Variants in TAFA2 observed in about 807,000 individuals in gnomAD.
TAFA2 encodes chemokine-like protein TAFA-2.
TAFA2 carries 7 observed loss-of-function variants against 18.8 expected under a neutral mutation model. That is an observed-to-expected ratio of 0.37 (90% CI 0.21 to 0.70). TAFA2 has a LOEUF of 0.70. Ranked by LOEUF, TAFA2 falls within the 30% of genes least tolerant of loss-of-function variation. TAFA2 has a pLI of 0.53. For synonymous variants in TAFA2, 60 were observed against 54.2 expected (o/e 1.11, Z -0.47); for missense variants, 122 against 158.1 (o/e 0.77, Z 1.23).
At chr12:62,216,198 C>T (rs902391121) in intron 1 of TAFA2, among the ~76,000 whole-genome samples, 6 of 152,214 alleles carry the variant, frequency 3.9e-5, no homozygotes, top group Admixed American at 6.5e-5. Flanking sequence ...TGCGGGTCCA[C>T]ACACCTATCC....
intron 1 of TAFA2, among the ~76,000 whole-genome samples, chr12:61,921,157 A>G (rs1213800865): frequency 6.6e-6 from 1 of 152,242 alleles, no homozygotes; most frequent in Non-Finnish European, 1.5e-5. Context: ...AGAGAACCAC[A>G]GAAGTGTTAA....
intron 2 of TAFA2, among the ~76,000 whole-genome samples, chr12:61,802,827 T>G (rs2120977582): frequency 6.6e-6 from 1 of 152,156 alleles, no homozygotes; most frequent in South Asian, 2.1e-4. Flanking sequence ...ACATTGTATA[T>G]ATGTATTGGA....
chr12:61,919,370 T>A (rs1876954725), intron 1 of TAFA2, among the ~76,000 whole-genome samples: 1 of 152,214 alleles, frequency 6.6e-6, no homozygotes, highest in African/African-American at 2.4e-5. Context: ...CTCTCATATG[T>A]TACTCTTTTT....
chr12:62,051,132 G>A (rs986849780), intron 1 of TAFA2, among the ~76,000 whole-genome samples: 3 of 152,040 alleles, frequency 2.0e-5, no homozygotes, highest in African/African-American at 7.2e-5. Flanking sequence ...TCAGCTTTTG[G>A]TGTTGCTGTA....
At chr12:62,250,298 T>C (rs574666710) in intron 1 of TAFA2, among the ~76,000 whole-genome samples, 209 of 152,340 alleles carry the variant, frequency 1.4e-3, no homozygotes, top group African/African-American at 4.8e-3. Context: ...TGATAAGTTT[T>C]CTATCCAATG....
intron 2 of TAFA2, among the ~76,000 whole-genome samples, chr12:61,790,442 G>A (rs1870928420): frequency 6.6e-6 from 1 of 151,718 alleles, no homozygotes; most frequent in Admixed American, 6.6e-5. Flanking sequence ...TGTTTGCAGA[G>A]GCTATAGTCT....
At chr12:61,916,660 T>C (rs559031304) in intron 1 of TAFA2, among the ~76,000 whole-genome samples, 2 of 152,308 alleles carry the variant, frequency 1.3e-5, no homozygotes, top group East Asian at 3.9e-4. Flanking sequence ...GCTTAGTAAC[T>C]CACCTACCTT....
At chr12:61,842,581 A>G (rs564925422) in intron 2 of TAFA2, among the ~76,000 whole-genome samples, 1 of 152,020 alleles carries the variant, frequency 6.6e-6, no homozygotes, top group Non-Finnish European at 1.5e-5. Flanking sequence ...AGTCCAGTGA[A>G]CTCATTAAAA....
intron 1 of TAFA2, among the ~76,000 whole-genome samples, chr12:62,156,882 AAGG>A (rs1565763803): frequency 2.0e-5 from 3 of 152,146 alleles, no homozygotes; most frequent in Non-Finnish European, 4.4e-5. Flanking sequence ...CCAATAACTT[AAGG>A]GAAAAAAATT....
chr12:61,724,786 T>TATACACCA (rs1565751009), intron 4 of TAFA2, among the ~76,000 whole-genome samples: 133 of 86,264 alleles, frequency 1.5e-3, no homozygotes, highest in Middle Eastern at 0.012. Context: ...TGTGTGTGTG[T>TATACACCA]GTGTGTGTGT....
At chr12:61,901,198 A>G (rs1876083223) in intron 1 of TAFA2, among the ~76,000 whole-genome samples, 1 of 152,112 alleles carries the variant, frequency 6.6e-6, no homozygotes, top group Non-Finnish European at 1.5e-5. Flanking sequence ...TATATTTTCT[A>G]AGAATAATTA....
chr12:61,723,834 C>T (rs939017505), intron 4 of TAFA2, among the ~76,000 whole-genome samples: 1 of 151,866 alleles, frequency 6.6e-6, no homozygotes, highest in Admixed American at 6.6e-5. Flanking sequence ...GAAGCTATCC[C>T]TTAAAAAAAT....
chr12:61,872,880 C>CTT (rs1874679380), intron 1 of TAFA2, among the ~76,000 whole-genome samples: 2 of 152,000 alleles, frequency 1.3e-5, no homozygotes, highest in Non-Finnish European at 1.5e-5. Context: ...CTCTCTCTCT[C>CTT]TCCAAATAGC....
At chr12:61,847,869 TA>T (rs1231625908) in intron 2 of TAFA2, among the ~76,000 whole-genome samples, 2 of 152,184 alleles carry the variant, frequency 1.3e-5, no homozygotes, top group African/African-American at 4.8e-5. Flanking sequence ...ACATAGGCTA[TA>T]ACTACTATAC....
chr12:61,711,277 GAA>G (rs1869394998), intron 4 of TAFA2, among the ~76,000 whole-genome samples: 1 of 151,266 alleles, frequency 6.6e-6, no homozygotes, highest in Non-Finnish European at 1.5e-5. Flanking sequence ...GAGGGGAGAG[GAA>G]AAGAGATTTT....
chr12:61,738,617 C>G (rs954256474), intron 4 of TAFA2, among the ~76,000 whole-genome samples: 1 of 152,034 alleles, frequency 6.6e-6, no homozygotes, highest in Non-Finnish European at 1.5e-5. Context: ...CTGGGTAGAG[C>G]ACCTTTACAA....
chr12:62,020,422 A>G (rs1004039121), intron 1 of TAFA2, among the ~76,000 whole-genome samples: 2 of 152,208 alleles, frequency 1.3e-5, no homozygotes, highest in African/African-American at 2.4e-5. Context: ...ATAGCTCACT[A>G]AGAAAACTTA....
chr12:61,715,757 A>T (rs1869630043), intron 4 of TAFA2, among the ~76,000 whole-genome samples: 1 of 152,000 alleles, frequency 6.6e-6, no homozygotes, highest in Middle Eastern at 3.4e-3. Context: ...ACAAAAAAAA[A>T]AAAAATTAAA....
intron 1 of TAFA2, among the ~76,000 whole-genome samples, chr12:62,121,256 A>C (rs1228309940): frequency 2.0e-5 from 3 of 152,208 alleles, no homozygotes; most frequent in Non-Finnish European, 4.4e-5. Flanking sequence ...TGAGGAAGTT[A>C]GAAAGACTTT....
Sources: allele counts gnomAD v4.1 joint callset (sites outside exome capture counted in the v4.1 genomes callset), GRCh38; gene constraint gnomAD v4.1.1; transcripts MANE v1.5; gene names NCBI Gene and HGNC (gene_info 2026-07-23, HGNC 2026-07-21).